The following RAB43 variants were observed in gnomAD, a reference collection of about 807,000 sequenced individuals.
RAB43 encodes the protein ras-related protein Rab-43.
A neutral mutation model predicts 18.8 loss-of-function variants in RAB43; 6 were observed. That is an observed-to-expected ratio of 0.32 (90% CI 0.17 to 0.63). RAB43 has a LOEUF of 0.63. RAB43 is among the 30% of genes least tolerant of loss of function. RAB43 has a pLI of 0.79. For missense variants in RAB43, 195 were observed against 289.1 expected, an observed-to-expected ratio of 0.67 and a Z score of 2.36; for synonymous variants, 103 against 124.1, an observed-to-expected ratio of 0.83 and a Z score of 1.13.
Position 129,107,002 on chromosome 3 carries a change from G to A in RAB43, c.205-11833C>T, listed in dbSNP as rs113300095. Among the ~76,000 whole-genome samples the A allele has an allele frequency of 5.7e-3, 865 of 152,288 alleles. 3 individuals are homozygous for A. The highest frequency in any genetic ancestry group is 0.017 in the Middle Eastern group (5 of 294). ...TCACCCAGGAAGCACAGTAACCCAC[G>A]ACGTTTTGCAGGCCTGGTGAAAGCA... On this transcript the variant is annotated intron_variant, in intron 1 of 2. Coordinates refer to ENST00000315150, the MANE Select transcript of RAB43 (RefSeq NM_198490.3). This position sits in a 1 kb window ranked among gnomAD's most constrained non-coding sequence, Gnocchi z 4.2.
At chr3:129,109,629 T>A (rs1935020385) in intron 1 of RAB43, among the ~76,000 whole-genome samples, 1 of 149,288 alleles carries the variant, frequency 6.7e-6, no homozygotes, top group African/African-American at 2.5e-5. Context: ...TAATCCCAGC[T>A]CCTTGGGAGG....
At position 129,095,019 on chromosome 3, in the gene RAB43, A is replaced by T; in HGVS notation, c.355T>A (p.Tyr119Asn). ...VPHWIEDVRK[Y>N]AGSNIVQLLI... ...AGCTGCACAATGTTGGAGCCCGCAT[A>T]CTTCCTCACATCCTCAATCCAGTGA... Residue 119 changes from tyrosine (Y) to asparagine (N), a missense_variant, in exon 2 of 3, where the codon TAT becomes AAT. Coordinates refer to ENST00000315150, the MANE Select transcript of RAB43 (RefSeq NM_198490.3). This position sits in a 1 kb window ranked among gnomAD's most constrained non-coding sequence, Gnocchi z 4.2. The T allele has an allele frequency of 1.2e-6, 2 of 1,612,310 alleles. No individual in the cohort carries two copies. Among genetic ancestry groups the T allele is most frequent in the Non-Finnish European group, 1.7e-6 (2 of 1,179,020 alleles).
At chr3:129,121,251 G>A (rs987247653) in intron 1 of RAB43, 35 bp downstream of exon 1, 2 of 1,552,204 alleles carry the variant, frequency 1.3e-6, no homozygotes, top group Non-Finnish European at 1.7e-6. Flanking sequence ...ACCCTCCGAG[G>A]GAGCGCCTTC....
At chr3:129,102,981 G>C (rs1357127446) in intron 1 of RAB43, among the ~76,000 whole-genome samples, 1 of 152,210 alleles carries the variant, frequency 6.6e-6, no homozygotes, top group African/African-American at 2.4e-5. Context: ...GTCTCAGAAG[G>C]CAAGTAGACC....
At chr3:129,093,481 G>A (rs953197519) in intron 2 of RAB43, among the ~76,000 whole-genome samples, 1 of 152,124 alleles carries the variant, frequency 6.6e-6, no homozygotes, top group African/African-American at 2.4e-5. Context: ...GTGGTGGTGC[G>A]TGCCTGTAGT....
intron 1 of RAB43, among the ~76,000 whole-genome samples, chr3:129,115,878 G>A (rs143152223): frequency 1.5e-3 from 224 of 152,260 alleles, no homozygotes; most frequent in African/African-American, 5.0e-3. Context: ...TAAGTCGATT[G>A]CACATCATTC....
chr3:129,113,183 CGA>C (rs1935286250), intron 1 of RAB43, among the ~76,000 whole-genome samples: 1 of 129,210 alleles, frequency 7.7e-6, no homozygotes, highest in Non-Finnish European at 1.7e-5. Context: ...TTTTTTTTTT[CGA>C]GATGGAGTCT....
intron 1 of RAB43, among the ~76,000 whole-genome samples, chr3:129,119,112 G>T (rs542742280): frequency 3.3e-5 from 5 of 152,198 alleles, no homozygotes; most frequent in Non-Finnish European, 7.3e-5. Context: ...AAGTGGTGAA[G>T]GTTTACCGTG....
At chr3:129,115,040 T>C (rs9631462) in intron 1 of RAB43, among the ~76,000 whole-genome samples, 122,284 of 151,994 alleles carry the variant, frequency 0.8, 53,367 homozygotes, top group Non-Finnish European at 0.97. Context: ...CATCTGTGGA[T>C]GATCCACTAT....
At chr3:129,113,665 T>G (rs992708843) in intron 1 of RAB43, among the ~76,000 whole-genome samples, 1 of 152,138 alleles carries the variant, frequency 6.6e-6, no homozygotes, top group African/African-American at 2.4e-5. Flanking sequence ...AGAGCTGATT[T>G]TAATGGTATC....
chr3:129,109,389 G>A (rs867637310), intron 1 of RAB43, among the ~76,000 whole-genome samples: 34 of 146,506 alleles, frequency 2.3e-4, no homozygotes, highest in African/African-American at 8.1e-4. Context: ...CAGCCTGGGC[G>A]ACAGAGCGAG....
rs1935913779 is a variant in RAB43 at position 129,121,296 on chromosome 3, T to C, written c.194A>G (p.Lys65Arg). ...FTMKTLEIQG[K>R]RVKLQIWDTA... ...TGGCCGGCCTCCCACCTTGACCCGCTTGCCCTGGATCTCCAGCGTCTTCAT... is the reference window on the plus strand; with the variant it reads ...TGGCCGGCCTCCCACCTTGACCCGCCTGCCCTGGATCTCCAGCGTCTTCAT... The change falls in exon 1 of 3, where the codon AAG becomes AGG. Residue 65 changes from lysine (K) to arginine (R), a missense_variant. Coordinates refer to ENST00000315150, the MANE Select transcript of RAB43 (RefSeq NM_198490.3). 1.2e-6 allele frequency: 2 copies of C among 1,605,346 alleles called. No homozygotes were observed.
intron 1 of RAB43, among the ~76,000 whole-genome samples, chr3:129,104,253 G>A (rs1004230035): frequency 1.3e-5 from 2 of 152,108 alleles, no homozygotes; most frequent in Admixed American, 6.6e-5. Flanking sequence ...AGTTGAGAGC[G>A]GAAACCGCAC....
In RAB43 at chr3:129,121,334, G is replaced by A; in HGVS notation, c.156C>T (p.Gly52=). 1.2e-6 allele frequency: 2 copies of A among 1,610,146 alleles called. No homozygotes were observed. The highest frequency in any genetic ancestry group is 1.7e-4 in the Middle Eastern group (1 of 6,056). The part of the protein sequence containing the change: ...AFSERQGSTI[G]VDFTMKTLEI... ...CCAGCGTCTTCATGGTGAAGTCGAC[G>A]CCGATGGTGCTTCCCTGGCGCTCCG... Residue 52 remains glycine (G), a synonymous_variant, in exon 1 of 3, where the codon GGC becomes GGT. Coordinates refer to ENST00000315150, the MANE Select transcript of RAB43 (RefSeq NM_198490.3).
intron 1 of RAB43, among the ~76,000 whole-genome samples, chr3:129,099,029 C>T (rs1314668444): frequency 4.0e-5 from 6 of 151,876 alleles, no homozygotes; most frequent in South Asian, 2.1e-4. Flanking sequence ...GCCCAGATCA[C>T]GCTACTGCAC....
At chr3:129,118,323 C>T (rs376045541) in intron 1 of RAB43, among the ~76,000 whole-genome samples, 288 of 152,238 alleles carry the variant, frequency 1.9e-3, no homozygotes, top group African/African-American at 6.6e-3. Flanking sequence ...GAAGTGGCTA[C>T]AGAAATAAAG....
intron 2 of RAB43, among the ~76,000 whole-genome samples, chr3:129,092,753 G>A (rs1217981149): frequency 1.3e-5 from 2 of 151,790 alleles, no homozygotes; most frequent in African/African-American, 2.4e-5. Context: ...TCAGGAAATC[G>A]AGACCATCCT....
At chr3:129,111,407 C>T (rs1284107093) in intron 1 of RAB43, among the ~76,000 whole-genome samples, 1 of 150,564 alleles carries the variant, frequency 6.6e-6, no homozygotes, top group Non-Finnish European at 1.5e-5. Flanking sequence ...CCCAGCTACT[C>T]AGGAGGCTGA....
intron 2 of RAB43, among the ~76,000 whole-genome samples, chr3:129,091,758 A>C (rs1266878894): frequency 6.6e-6 from 1 of 151,918 alleles, no homozygotes; most frequent in Non-Finnish European, 1.5e-5. Flanking sequence ...TGTGGTTATA[A>C]GGAAGACAAA....
Sources: gnomAD v4.1 joint callset for allele counts (sites outside exome capture counted in the v4.1 genomes callset) on GRCh38, gnomAD v4.1.1 for gene constraint, Gnocchi (gnomAD v3.1) non-coding constraint, MANE v1.5 for transcripts, NCBI Gene and HGNC (gene_info 2026-07-23, HGNC 2026-07-21) for gene names.